The following ST3GAL1 variants were observed in gnomAD, a reference collection of about 807,000 sequenced individuals.
The protein encoded by ST3GAL1 is CMP-N-acetylneuraminate-beta-galactosamide-alpha-2,3-sialyltransferase 1.
ST3GAL1 carries 16 observed loss-of-function variants against 34.1 expected under a neutral mutation model. The ratio of observed to expected loss-of-function variants is 0.47; its 90% CI spans 0.32 to 0.71. The LOEUF (loss-of-function observed/expected upper bound fraction) is 0.71, where lower values mean the gene tolerates loss of function less well. Ranked by LOEUF, ST3GAL1 falls within the 30% of genes least tolerant of loss-of-function variation. The pLI, the probability that ST3GAL1 is intolerant of heterozygous loss-of-function variation, is 0.04. For missense variants in ST3GAL1, 353 were observed against 447.4 expected (o/e 0.79, Z 1.90); for synonymous variants, 191 against 184.7 (o/e 1.03, Z -0.28).
At chr8:133,535,401 AT>A (rs1244661189) in intron 2 of ST3GAL1, among the ~76,000 whole-genome samples, 1 of 151,842 alleles carries the variant, frequency 6.6e-6, no homozygotes, top group Admixed American at 6.6e-5. Context: ...GTGCTGCATT[AT>A]TTTTTTGTTG....
Position 133,458,623 on chromosome 8 carries a change from G to C in ST3GAL1, c.*1141C>G, listed in dbSNP as rs1815384515. The C allele has an allele frequency of 6.6e-6, 1 of 152,220 alleles. No homozygotes were observed. Among genetic ancestry groups the C allele is most frequent in the Admixed American group, 6.5e-5 (1 of 15,280 alleles). 9.4% of individuals were successfully genotyped at this position (152,220 alleles called of 1,614,324 possible). A position where few individuals can be genotyped will look rare whatever the true frequency, so the allele number is the denominator to read the frequency against. On this transcript the variant is annotated 3_prime_UTR_variant, in exon 10 of 10. Transcript: ENST00000522652. ...GAGCTTCGTTGCAATTCAGGTGCTG[G>C]CTCAGGAAACCAGAAAAGATGTTCC... is the stretch of plus-strand genomic sequence containing the variant.
intron 5 of ST3GAL1, among the ~76,000 whole-genome samples, chr8:133,471,018 C>T (rs2130934029): frequency 6.6e-6 from 1 of 152,272 alleles, no homozygotes; most frequent in African/African-American, 2.4e-5. Context: ...TCCCATCCTC[C>T]TTCCTCCTTC....
chr8:133,537,134 G>A (rs1449683935), intron 2 of ST3GAL1, among the ~76,000 whole-genome samples: 1 of 152,014 alleles, frequency 6.6e-6, no homozygotes, highest in Non-Finnish European at 1.5e-5. Flanking sequence ...CCCCCTTTCT[G>A]GGCTCAATTA....
chr8:133,566,733 A>G (rs886736934), intron 1 of ST3GAL1, among the ~76,000 whole-genome samples: 4 of 152,266 alleles, frequency 2.6e-5, no homozygotes, highest in East Asian at 3.8e-4. Context: ...AGCATTAAAA[A>G]TAAAGCACTA....
intron 1 of ST3GAL1, among the ~76,000 whole-genome samples, chr8:133,546,480 A>G: frequency 4.0e-5 from 1 of 24,886 alleles, no homozygotes; most frequent in South Asian, 1.6e-3. Context: ...GACTCCGTCA[A>G]AAAAAAAAAA....
chr8:133,534,257 G>A (rs1293668051), intron 2 of ST3GAL1, among the ~76,000 whole-genome samples: 1 of 152,148 alleles, frequency 6.6e-6, no homozygotes, highest in African/African-American at 2.4e-5. Context: ...GACTGAGAAA[G>A]TGTTTACATG....
intron 2 of ST3GAL1, among the ~76,000 whole-genome samples, chr8:133,514,924 G>A (rs762997634): frequency 2.0e-5 from 3 of 152,088 alleles, no homozygotes; most frequent in Non-Finnish European, 2.9e-5. Context: ...GCCGTCCTCC[G>A]ATGGCCCCCC....
chr8:133,541,118 T>TAGAGAGAGAG (rs1243400532), intron 2 of ST3GAL1, among the ~76,000 whole-genome samples: 979 of 52,056 alleles, frequency 0.019, 79 homozygotes, highest in Admixed American at 0.037. Flanking sequence ...TATATATATA[T>TAGAGAGAGAG]ATAGAGAGAG....
intron 2 of ST3GAL1, among the ~76,000 whole-genome samples, chr8:133,502,560 C>T (rs1233511310): frequency 1.3e-5 from 2 of 152,196 alleles, no homozygotes; most frequent in African/African-American, 4.8e-5. Flanking sequence ...CTGATGACAC[C>T]TTGATCTTGG....
chr8:133,500,817 T>C (rs1230485289), intron 2 of ST3GAL1, among the ~76,000 whole-genome samples: 1 of 152,246 alleles, frequency 6.6e-6, no homozygotes, highest in Admixed American at 6.5e-5. Flanking sequence ...CCTTCTACTC[T>C]GGGTCAGATG....
intron 2 of ST3GAL1, among the ~76,000 whole-genome samples, chr8:133,517,325 C>T (rs1319444686): frequency 3.9e-5 from 6 of 152,146 alleles, no homozygotes; most frequent in African/African-American, 1.2e-4. Context: ...GATAACTCAC[C>T]CAGTCTTGCA....
rs778610741 is a variant in ST3GAL1 at position 133,461,830 on chromosome 8, G to A, written c.849+45C>T. 32 of 1,611,562 alleles carry A rather than the reference G, an allele frequency of 2.0e-5. No individual in the cohort carries two copies. Among genetic ancestry groups the A allele is most frequent in the East Asian group, 4.5e-5 (2 of 44,822 alleles). On this transcript the variant is annotated intron_variant, in intron 9 of 9. Coordinates refer to ENST00000522652, the MANE Select transcript of ST3GAL1 (RefSeq NM_173344.3). This position sits in a 1 kb window ranked among gnomAD's most constrained non-coding sequence, Gnocchi z 4.7. ...CTGGCCTCTCTTGGGAACACAGGAC[G>A]GTGAGCTTCGAGGCAGCCCTGTGGG...
intron 3 of ST3GAL1, among the ~76,000 whole-genome samples, chr8:133,485,381 G>A (rs569588295): frequency 6.6e-6 from 1 of 152,334 alleles, no homozygotes; most frequent in South Asian, 2.1e-4. Context: ...CAGCGGGGCA[G>A]CTGCAGATTC....
chr8:133,551,796 T>G (rs1243023291), intron 1 of ST3GAL1, among the ~76,000 whole-genome samples: 1 of 152,216 alleles, frequency 6.6e-6, no homozygotes, highest in African/African-American at 2.4e-5. Context: ...CAGATAACAT[T>G]TTTTAAGTAC....
At chr8:133,482,842 G>T (rs773673547) in intron 3 of ST3GAL1, among the ~76,000 whole-genome samples, 3 of 152,204 alleles carry the variant, frequency 2.0e-5, no homozygotes, top group Non-Finnish European at 4.4e-5. Context: ...GTCACTGGAC[G>T]CTTGGAACCC....
At chr8:133,503,449 C>T (rs1437943089) in intron 2 of ST3GAL1, among the ~76,000 whole-genome samples, 1 of 152,138 alleles carries the variant, frequency 6.6e-6, no homozygotes, top group Non-Finnish European at 1.5e-5. Flanking sequence ...TTAGGATCCA[C>T]TGTCTGCTCC....
At chr8:133,531,646 C>T (rs1418929735) in intron 2 of ST3GAL1, among the ~76,000 whole-genome samples, 2 of 151,980 alleles carry the variant, frequency 1.3e-5, no homozygotes, top group African/African-American at 4.8e-5. Context: ...GAACAACACA[C>T]ACCAGGGCCA....
Position 133,508,168 on chromosome 8 carries a change from C to T in ST3GAL1, c.-428-8979G>A, listed in dbSNP as rs1476540595. Reference sequence around the variant, plus strand: ...CTTTCCCCAACAGCGTGGAGGCACACTCATTTCTCTTCCCTACTGCCACCT... The same window carrying T: ...CTTTCCCCAACAGCGTGGAGGCACATTCATTTCTCTTCCCTACTGCCACCT... On this transcript the variant is annotated intron_variant, in intron 2 of 9. Coordinates refer to ENST00000522652, the MANE Select transcript of ST3GAL1 (RefSeq NM_173344.3). This position sits in a 1 kb window ranked among gnomAD's most constrained non-coding sequence, Gnocchi z 4.1. Among the ~76,000 whole-genome samples, 1 of 152,240 alleles carries T rather than the reference C, an allele frequency of 6.6e-6. No individual in the cohort carries two copies. Among genetic ancestry groups the T allele is most frequent in the African/African-American group, 2.4e-5 (1 of 41,456 alleles).
intron 2 of ST3GAL1, among the ~76,000 whole-genome samples, chr8:133,523,923 G>A (rs1817885592): frequency 2.0e-5 from 3 of 152,110 alleles, no homozygotes; most frequent in South Asian, 2.1e-4. Flanking sequence ...TGTGTCCTTC[G>A]GGGAGCTTCT....
Sources: allele counts gnomAD v4.1 joint callset (sites outside exome capture counted in the v4.1 genomes callset), GRCh38; gene constraint gnomAD v4.1.1; non-coding constraint Gnocchi (gnomAD v3.1); transcripts MANE v1.5; gene names NCBI Gene and HGNC (gene_info 2026-07-23, HGNC 2026-07-21).